Variants in TYW1B observed in about 807,000 individuals in gnomAD.
TYW1B encodes the protein tRNA-yW synthesizing protein 1 homolog B.
In TYW1B, 73 loss-of-function variants were observed where a neutral mutation model predicts 86.9. That is an observed-to-expected ratio of 0.84 (90% CI 0.70 to 1.02). TYW1B has a LOEUF of 1.02. Among genes scored for constraint, TYW1B ranks in the 50% least tolerant of loss-of-function variants. TYW1B has a pLI of 0.00. For missense variants in TYW1B, 637 were observed against 827.4 expected (o/e 0.77, Z 2.82); for synonymous variants, 248 against 292.8 (o/e 0.85, Z 1.56).
intron 7 of TYW1B, among the ~76,000 whole-genome samples, chr7:72,756,578 G>A (rs1039557044): frequency 2.6e-5 from 4 of 152,104 alleles, no homozygotes; most frequent in African/African-American, 9.7e-5. Flanking sequence ...TAAAGAGACT[G>A]AGTTTTGTAT....
At chr7:72,811,064 G>A (rs1458159161) in intron 3 of TYW1B, among the ~76,000 whole-genome samples, 40 of 151,894 alleles carry the variant, frequency 2.6e-4, no homozygotes, top group African/African-American at 9.4e-4. Flanking sequence ...AAGGTCAGGA[G>A]ATCGAGACCA....
chr7:72,748,238 C>A (rs797040849), intron 7 of TYW1B, among the ~76,000 whole-genome samples: 1 of 145,184 alleles, frequency 6.9e-6, no homozygotes, highest in Non-Finnish European at 1.6e-5. Flanking sequence ...CACTGCACTC[C>A]AGCCTGGGTG....
intron 8 of TYW1B, among the ~76,000 whole-genome samples, chr7:72,732,051 T>C (rs1285776785): frequency 4.8e-5 from 7 of 144,724 alleles, no homozygotes; most frequent in Non-Finnish European, 9.0e-5. Flanking sequence ...AAAAGGTCAT[T>C]GTGTAACGAT....
At chr7:72,677,273 G>A (rs13240276) in intron 11 of TYW1B, among the ~76,000 whole-genome samples, 1 of 151,798 alleles carries the variant, frequency 6.6e-6, no homozygotes, top group African/African-American at 2.4e-5. Flanking sequence ...TCAGCCTCCT[G>A]AGTAGGTGGG....
chr7:72,714,666 C>G (rs1275453874), intron 9 of TYW1B, among the ~76,000 whole-genome samples: 3 of 151,930 alleles, frequency 2.0e-5, no homozygotes, highest in Non-Finnish European at 4.4e-5. Context: ...ACCTGTAATC[C>G]CAGCACTTTG....
At chr7:72,589,311 C>T (rs540819777) in intron 13 of TYW1B, among the ~76,000 whole-genome samples, 216 of 152,252 alleles carry the variant, frequency 1.4e-3, no homozygotes, top group Admixed American at 3.5e-3. Flanking sequence ...ACATTTTCTT[C>T]GTGGTGATGA....
chr7:72,636,868 T>C (rs2129568930), intron 11 of TYW1B, among the ~76,000 whole-genome samples: 1 of 152,344 alleles, frequency 6.6e-6, no homozygotes, highest in Non-Finnish European at 1.5e-5. Context: ...TTATTCTTCT[T>C]AGAATTTGGT....
intron 7 of TYW1B, among the ~76,000 whole-genome samples, chr7:72,751,318 G>A (rs6951638): frequency 0.094 from 14,366 of 152,076 alleles, 1,189 homozygotes; most frequent in East Asian, 0.33. Context: ...GACTACATGC[G>A]TGAGCCATCA....
chr7:72,695,122 G>A (rs1252932834), intron 10 of TYW1B, among the ~76,000 whole-genome samples: 4 of 152,130 alleles, frequency 2.6e-5, no homozygotes, highest in Non-Finnish European at 5.9e-5. Flanking sequence ...TCTAACTTCA[G>A]GTATGACAGC....
intron 10 of TYW1B, among the ~76,000 whole-genome samples, chr7:72,711,068 C>T (rs1385487631): frequency 6.6e-6 from 1 of 152,210 alleles, no homozygotes; most frequent in East Asian, 1.9e-4. Context: ...ACAGATAAGA[C>T]CCCTGGGGCA....
At chr7:72,590,734 C>T (rs782697323) in intron 13 of TYW1B, among the ~76,000 whole-genome samples, 23 of 152,216 alleles carry the variant, frequency 1.5e-4, no homozygotes, top group East Asian at 3.9e-4. Context: ...CTGATTCCCA[C>T]GGTGGCCACA....
chr7:72,675,251 T>C (rs1408664749), intron 11 of TYW1B, among the ~76,000 whole-genome samples: 2 of 151,836 alleles, frequency 1.3e-5, no homozygotes, highest in Non-Finnish European at 2.9e-5. Context: ...ACACAAAAAT[T>C]AGCCGGGTGT....
chr7:72,785,262 TAA>T (rs1479250077), intron 6 of TYW1B, among the ~76,000 whole-genome samples: 1 of 149,790 alleles, frequency 6.7e-6, no homozygotes, highest in Non-Finnish European at 1.5e-5. Context: ...TATTCTTATA[TAA>T]GTTAATTATT....
intron 2 of TYW1B, among the ~76,000 whole-genome samples, chr7:72,821,121 T>TGC (rs1554480397): frequency 1.3e-5 from 2 of 152,158 alleles, no homozygotes; most frequent in Non-Finnish European, 2.9e-5. Context: ...TACAGGCATG[T>TGC]GCCACCACAC....
intron 13 of TYW1B, among the ~76,000 whole-genome samples, chr7:72,606,106 G>A (rs1488663899): frequency 6.6e-6 from 1 of 152,180 alleles, no homozygotes; most frequent in Non-Finnish European, 1.5e-5. Context: ...GGAACAACAT[G>A]GTGGTGAGTT....
At chr7:72,613,312 AAAG>A (rs1449931356) in intron 13 of TYW1B, among the ~76,000 whole-genome samples, 14 of 152,146 alleles carry the variant, frequency 9.2e-5, no homozygotes, top group African/African-American at 3.4e-4. Flanking sequence ...GTAAACAAGC[AAAG>A]AAGAATATCT....
intron 8 of TYW1B, among the ~76,000 whole-genome samples, chr7:72,737,025 C>T (rs1176002473): frequency 6.6e-6 from 1 of 152,142 alleles, no homozygotes. Context: ...GAGACTCCGT[C>T]TCAAAAGAAT....
At chr7:72,796,036 G>C (rs1307840865) in intron 6 of TYW1B, among the ~76,000 whole-genome samples, 1 of 7,338 alleles carries the variant, frequency 1.4e-4, no homozygotes, top group African/African-American at 4.0e-4. Context: ...TCGAACTCCC[G>C]ACCACAGGTG....
chr7:72,697,737 A>G (rs1406582434), intron 10 of TYW1B, among the ~76,000 whole-genome samples: 3 of 152,182 alleles, frequency 2.0e-5, no homozygotes, highest in Non-Finnish European at 4.4e-5. Flanking sequence ...AAAAAAGACA[A>G]TATTTAAGAT....
Sources: allele counts gnomAD v4.1 joint callset (sites outside exome capture counted in the v4.1 genomes callset), GRCh38; gene constraint gnomAD v4.1.1; transcripts MANE v1.5; gene names NCBI Gene and HGNC (gene_info 2026-07-23, HGNC 2026-07-21).